TRIM2: variants seen among roughly 807,000 people sequenced by gnomAD.
TRIM2 encodes the protein tripartite motif-containing protein 2.
TRIM2 carries 20 observed loss-of-function variants against 75.2 expected under a neutral mutation model. That is an observed-to-expected ratio of 0.27 (90% CI 0.19 to 0.39). TRIM2 has a LOEUF of 0.39. TRIM2 is among the 10% of genes least tolerant of loss of function. The pLI, the probability that TRIM2 is intolerant of heterozygous loss-of-function variation, is 1.00. For synonymous variants in TRIM2, 373 were observed against 388.3 expected (o/e 0.96, Z 0.46); for missense variants, 660 against 990.8 (o/e 0.67, Z 4.48).
intron 6 of TRIM2, among the ~76,000 whole-genome samples, chr4:153,297,418 T>C (rs965264620): frequency 2.0e-5 from 3 of 152,190 alleles, no homozygotes; most frequent in Non-Finnish European, 2.9e-5. Flanking sequence ...CTTCAACTTC[T>C]ATGTCCATGA....
chr4:153,336,545 A>G lies in TRIM2; in HGVS notation c.*1579A>G. ...ATTTCCACTGTTTAATTTTCTACTC[A>G]GTTCTACCAAATAGGATGTCATGTT... On this transcript the variant is annotated 3_prime_UTR_variant, in exon 12 of 12. Transcript: ENST00000338700. 1.0e-6 allele frequency: 1 copy of G among 985,830 alleles called. No homozygotes were observed. The highest frequency in any genetic ancestry group is 1.2e-6 in the Non-Finnish European group (1 of 829,918). The allele number at this position is 985,830 out of a possible 1,614,324, so 61.1% of individuals were successfully genotyped here.
intron 1 of TRIM2, among the ~76,000 whole-genome samples, chr4:153,244,027 C>A (rs1459890832): frequency 6.6e-6 from 1 of 151,870 alleles, no homozygotes; most frequent in African/African-American, 2.4e-5. Flanking sequence ...CCTATGTTGC[C>A]CAGGCTAGTC....
intron 6 of TRIM2, among the ~76,000 whole-genome samples, chr4:153,297,254 G>A (rs1434141757): frequency 1.3e-5 from 2 of 152,116 alleles, no homozygotes; most frequent in Non-Finnish European, 2.9e-5. Context: ...ATACATTCAC[G>A]GCCAGATGTG....
At chr4:153,270,096 T>C (rs1171824736) in intron 1 of TRIM2, among the ~76,000 whole-genome samples, 2 of 151,642 alleles carry the variant, frequency 1.3e-5, no homozygotes, top group Non-Finnish European at 2.9e-5. Flanking sequence ...ACCCGGCTAA[T>C]TTTTTGTATT....
chr4:153,265,452 T>C (rs1754734590), intron 1 of TRIM2, among the ~76,000 whole-genome samples: 1 of 151,962 alleles, frequency 6.6e-6, no homozygotes, highest in Admixed American at 6.6e-5. Flanking sequence ...CACACCATTC[T>C]CCTGCCTCAG....
chr4:153,304,408 C>G (rs1054443570), intron 6 of TRIM2, among the ~76,000 whole-genome samples: 1 of 152,074 alleles, frequency 6.6e-6, no homozygotes, highest in Non-Finnish European at 1.5e-5. Context: ...GCCACCATGC[C>G]CGGCCCCTTG....
chr4:153,235,815 G>GCCCT (rs1744883277), intron 1 of TRIM2, among the ~76,000 whole-genome samples: 1 of 152,012 alleles, frequency 6.6e-6, no homozygotes, highest in Admixed American at 6.6e-5. Context: ...CTTTGACCAA[G>GCCCT]CCCTACTCCT....
chr4:153,232,905 G>A (rs1560853405), intron 1 of TRIM2, among the ~76,000 whole-genome samples: 1 of 152,176 alleles, frequency 6.6e-6, no homozygotes, highest in African/African-American at 2.4e-5. Flanking sequence ...GCAGCAGGGG[G>A]AGACTCAGAG....
At chr4:153,313,756 C>A (rs894116012) in intron 6 of TRIM2, among the ~76,000 whole-genome samples, 3 of 150,758 alleles carry the variant, frequency 2.0e-5, no homozygotes, top group Admixed American at 6.6e-5. Flanking sequence ...CCTGCCTCAG[C>A]CTACCGAGTA....
At chr4:153,296,676 G>A (rs1762842864) in intron 6 of TRIM2, among the ~76,000 whole-genome samples, 1 of 152,226 alleles carries the variant, frequency 6.6e-6, no homozygotes, top group Admixed American at 6.5e-5. Context: ...TGAGCCAAGA[G>A]AGTTAGGAAT....
At chr4:153,280,780 G>T (rs958367989) in intron 3 of TRIM2, among the ~76,000 whole-genome samples, 1 of 152,040 alleles carries the variant, frequency 6.6e-6, no homozygotes, top group Non-Finnish European at 1.5e-5. Flanking sequence ...TGCCTCCCGG[G>T]TTCACACCAT....
chr4:153,303,301 TAA>T (rs879307633), intron 6 of TRIM2, among the ~76,000 whole-genome samples: 2 of 125,824 alleles, frequency 1.6e-5, no homozygotes, highest in African/African-American at 2.6e-5. Flanking sequence ...CCATCTCTAC[TAA>T]AAAAAAAAAA....
intron 1 of TRIM2, among the ~76,000 whole-genome samples, chr4:153,232,595 A>G (rs1453678560): frequency 1.3e-5 from 2 of 151,708 alleles, no homozygotes; most frequent in African/African-American, 4.8e-5. Flanking sequence ...GAGTGGACTG[A>G]CCCCAGCATG....
At chr4:153,206,670 G>GGAAACAGGGTCTTTGGAAACCT (rs1346917131) in intron 1 of TRIM2, among the ~76,000 whole-genome samples, 3 of 152,066 alleles carry the variant, frequency 2.0e-5, no homozygotes, top group African/African-American at 7.2e-5. Flanking sequence ...TCAACCTCCT[G>GGAAACAGGGTCTTTGGAAACCT]CCCCTCTTTG....
At chr4:153,238,911 TC>T (rs1300583551) in intron 1 of TRIM2, among the ~76,000 whole-genome samples, 3 of 152,220 alleles carry the variant, frequency 2.0e-5, no homozygotes, top group Admixed American at 1.3e-4. Flanking sequence ...TGTTCATGAA[TC>T]CCCCCAAAAT....
rs1057124144 is a variant in TRIM2 at position 153,171,375 on chromosome 4, T to C, written c.-49+18105T>C. Among the ~76,000 whole-genome samples, 6 of 152,148 alleles carry C rather than the reference T, an allele frequency of 3.9e-5. No homozygotes were observed. The South Asian group carries it at 1.2e-3, about 32-fold the overall frequency. ...CTGAGGCAGGCGGATCACCTGAGGT[T>C]GGGAGTTCCAGACCAGCCTGACCAA... On this transcript the variant is annotated intron_variant, in intron 1 of 11. Coordinates refer to the TRIM2 transcript ENST00000437508.
Position 153,315,750 on chromosome 4 carries a change from G to A in TRIM2, c.1615-82G>A. 3 of 1,526,564 alleles carry A rather than the reference G, an allele frequency of 2.0e-6. No individual in the cohort carries two copies. In the South Asian group the frequency reaches 3.4e-5, roughly 17 times the overall value. 94.6% of individuals were successfully genotyped at this position (1,526,564 alleles called of 1,614,324 possible). ...AGTTTGCGTGTTCTGATCTCTGTAT[G>A]TATGGCAGATGTTTCTGCCTATGCC... is the stretch of plus-strand genomic sequence containing the variant. On this transcript the variant is annotated intron_variant, in intron 7 of 11. Transcript: ENST00000338700.
chr4:153,273,385 C>T (rs1342276229), intron 2 of TRIM2, among the ~76,000 whole-genome samples: 2 of 149,408 alleles, frequency 1.3e-5, no homozygotes, highest in African/African-American at 5.0e-5. Context: ...ACGCCATTCT[C>T]CTGCCTCAGC....
At chr4:153,223,830 A>C (rs1741377147) in intron 1 of TRIM2, among the ~76,000 whole-genome samples, 1 of 152,186 alleles carries the variant, frequency 6.6e-6, no homozygotes, top group Non-Finnish European at 1.5e-5. Flanking sequence ...ACTTTTAAAG[A>C]GTTAATTTTA....
Sources: allele counts gnomAD v4.1 joint callset (sites outside exome capture counted in the v4.1 genomes callset), GRCh38; gene constraint gnomAD v4.1.1; transcripts MANE v1.5; gene names NCBI Gene and HGNC (gene_info 2026-07-23, HGNC 2026-07-21).